CIMAP1D: variants seen among roughly 807,000 people sequenced by gnomAD.
CIMAP1D encodes protein CIMAP1D.
chr19:467,845 C>T, the CIMAP1D span: 4 of 847,660 alleles, frequency 4.7e-6, no homozygotes, highest in Non-Finnish European at 7.4e-6. Context: ...CCCTCTTGGC[C>T]CCGAGACACT....
chr19:468,448 T>C, the CIMAP1D span, among the ~76,000 whole-genome samples: 1 of 152,122 alleles, frequency 6.6e-6, no homozygotes, highest in Non-Finnish European at 1.5e-5. Context: ...GCAGGTCGCA[T>C]GCTTAAGAGG....
chr19:465,999 G>C, the CIMAP1D span, among the ~76,000 whole-genome samples: 1 of 141,902 alleles, frequency 7.0e-6, no homozygotes, highest in African/African-American at 2.7e-5. Context: ...AGATGGTTGG[G>C]TGGATGCTGG....
the CIMAP1D span, among the ~76,000 whole-genome samples, chr19:470,097 T>G: frequency 6.6e-6 from 1 of 152,144 alleles, no homozygotes; most frequent in Non-Finnish European, 1.5e-5. Context: ...CAGCAAAGTG[T>G]GCACGATCCC....
the CIMAP1D span, chr19:463,869 T>C: frequency 6.2e-7 from 1 of 1,609,986 alleles, no homozygotes; most frequent in Non-Finnish European, 8.5e-7. Flanking sequence ...GGGCAGCCTG[T>C]GCCCCGCAGG....
chr19:478,953 C>A, the CIMAP1D span, among the ~76,000 whole-genome samples: 2 of 152,256 alleles, frequency 1.3e-5, no homozygotes, highest in African/African-American at 2.4e-5. Context: ...TCCTCGTCCT[C>A]CCTTTCCCTT....
chr19:482,180 C>A, the CIMAP1D span, among the ~76,000 whole-genome samples: 2 of 152,202 alleles, frequency 1.3e-5, no homozygotes, highest in African/African-American at 4.8e-5. Flanking sequence ...ATCATTTCTG[C>A]ATATGAACAT....
chr19:491,592 G>GCCCCAGGCCTCGCCGCTT, the CIMAP1D span, among the ~76,000 whole-genome samples: 1 of 151,818 alleles, frequency 6.6e-6, no homozygotes, highest in African/African-American at 2.4e-5. Context: ...GCTGACCAGG[G>GCCCCAGGCCTCGCCGCTT]CCCCAGGCCT....
the CIMAP1D span, among the ~76,000 whole-genome samples, chr19:469,220 A>ATTTTTT: frequency 6.8e-6 from 1 of 147,286 alleles, no homozygotes; most frequent in African/African-American, 2.6e-5. Flanking sequence ...GGCTGGGGAG[A>ATTTTTT]TTCTTTTTTT....
At chr19:482,274 G>A in the CIMAP1D span, among the ~76,000 whole-genome samples, 1,529 of 152,234 alleles carry the variant, frequency 0.01, 29 homozygotes, top group African/African-American at 0.035. Flanking sequence ...AGTGTGGAGC[G>A]TCCACAGTTC....
chr19:464,151 C>T, the CIMAP1D span: 6 of 1,477,528 alleles, frequency 4.1e-6, no homozygotes, highest in Admixed American at 7.2e-5. Context: ...GGGGGGGGTG[C>T]GGCCCACCAC....
At chr19:487,652 AGAGT>A in the CIMAP1D span, among the ~76,000 whole-genome samples, 5 of 152,176 alleles carry the variant, frequency 3.3e-5, no homozygotes, top group African/African-American at 7.2e-5. Flanking sequence ...CCTGGGCCAC[AGAGT>A]GAGACCCTGT....
At chr19:491,141 G>A in the CIMAP1D span, among the ~76,000 whole-genome samples, 1 of 151,880 alleles carries the variant, frequency 6.6e-6, no homozygotes, top group Non-Finnish European at 1.5e-5. Flanking sequence ...CCTGAGCATG[G>A]TGGCACGTGC....
At chr19:475,513 A>G in the CIMAP1D span, among the ~76,000 whole-genome samples, 2 of 152,120 alleles carry the variant, frequency 1.3e-5, no homozygotes, top group East Asian at 3.8e-4. Flanking sequence ...CCCCACGGAG[A>G]AGGTAAAACT....
chr19:472,471 G>C, the CIMAP1D span: 5 of 1,546,468 alleles, frequency 3.2e-6, no homozygotes, highest in Non-Finnish European at 4.4e-6. Flanking sequence ...GCCCACGGTG[G>C]ACGGCAGGAC....
the CIMAP1D span, among the ~76,000 whole-genome samples, chr19:469,666 G>A: frequency 3.3e-5 from 5 of 152,010 alleles, no homozygotes; most frequent in Non-Finnish European, 7.4e-5. Context: ...ACTCCAGCCT[G>A]GGCGATAGTG....
chr19:476,861 G>A, the CIMAP1D span, among the ~76,000 whole-genome samples: 2 of 152,296 alleles, frequency 1.3e-5, no homozygotes, highest in South Asian at 4.1e-4. Context: ...AAACTGTGTA[G>A]GATGCAGTTA....
At chr19:487,570 C>T in the CIMAP1D span, among the ~76,000 whole-genome samples, 1 of 151,798 alleles carries the variant, frequency 6.6e-6, no homozygotes, top group African/African-American at 2.4e-5. Context: ...TTTGGAAGGC[C>T]GAGGCGGGAG....
At chr19:468,622 C>T in the CIMAP1D span, among the ~76,000 whole-genome samples, 7 of 152,202 alleles carry the variant, frequency 4.6e-5, no homozygotes, top group Non-Finnish European at 7.3e-5. Context: ...TTGCACTTCC[C>T]GATTGAGACC....
At chr19:483,412 C>G in the CIMAP1D span, among the ~76,000 whole-genome samples, 24,663 of 152,230 alleles carry the variant, frequency 0.16, 4,443 homozygotes, top group African/African-American at 0.44. Context: ...ACAGGCTCCT[C>G]CCCGACAGAC....
Sources: allele counts gnomAD v4.1 joint callset (sites outside exome capture counted in the v4.1 genomes callset), GRCh38; gene constraint gnomAD v4.1.1; transcripts MANE v1.5; gene names NCBI Gene and HGNC (gene_info 2026-07-23, HGNC 2026-07-21).